The following CCSER1 variants were observed in gnomAD, a reference collection of about 807,000 sequenced individuals.
CCSER1 encodes coiled-coil serine rich protein 1.
In CCSER1, 41 loss-of-function variants were observed where a neutral mutation model predicts 82.0. That is an observed-to-expected ratio of 0.50 (90% CI 0.39 to 0.65). The LOEUF is 0.65. CCSER1 is among the 30% of genes least tolerant of loss of function. CCSER1 has a pLI of 0.00. For synonymous variants in CCSER1, 414 were observed against 383.9 expected, an observed-to-expected ratio of 1.08 and a Z score of -0.92; for missense variants, 1,119 against 1,064.2, an observed-to-expected ratio of 1.05 and a Z score of -0.72.
chr4:90,256,327 G>A (rs1723277859), intron 1 of CCSER1, among the ~76,000 whole-genome samples: 1 of 152,100 alleles, frequency 6.6e-6, no homozygotes, highest in East Asian at 1.9e-4. Flanking sequence ...TATTGTGCCA[G>A]GCATTGTTCT....
rs1216698976 is a variant in CCSER1, at chr4:90,308,480, C to A, written c.196C>A (p.Pro66Thr). The change falls in exon 2 of 11, where the codon CCT (proline) becomes ACT (threonine). Residue 66 changes from proline (P) to threonine (T), a missense_variant. Physicochemically the swap from Pro to Thr is conservative, Grantham distance 38. Coordinates refer to ENST00000509176, the MANE Select transcript of CCSER1 (RefSeq NM_001145065.2). ...TGKRRSIFRT[P>T]SISFHHKKGS... is the part of the protein sequence containing the mutation. ...TAAACGGAGGAGCATATTCCGTACT[C>A]CTTCCATTAGCTTCCACCATAAGAA... 5.6e-6 allele frequency: 9 copies of A among 1,613,920 alleles called. No homozygotes were observed. The highest frequency in any genetic ancestry group is 7.6e-6 in the Non-Finnish European group (9 of 1,179,846).
intron 3 of CCSER1, among the ~76,000 whole-genome samples, chr4:90,319,432 A>C (rs1182600436): frequency 2.0e-5 from 3 of 152,258 alleles, no homozygotes; most frequent in East Asian, 1.9e-4. Context: ...TGGGCGGGTC[A>C]TGAGGTTAGG....
At chr4:90,166,779 A>G (rs959672475) in intron 1 of CCSER1, among the ~76,000 whole-genome samples, 5 of 151,978 alleles carry the variant, frequency 3.3e-5, no homozygotes, top group African/African-American at 1.2e-4. Flanking sequence ...TATCAGCTTT[A>G]AAAACTTATG....
intron 4 of CCSER1, among the ~76,000 whole-genome samples, chr4:90,427,917 C>T (rs1298063512): frequency 6.6e-6 from 1 of 151,748 alleles, no homozygotes; most frequent in Non-Finnish European, 1.5e-5. Flanking sequence ...GGAACAGAAA[C>T]TCATTTCTGT....
At chr4:90,411,998 T>C (rs1453902522) in intron 4 of CCSER1, among the ~76,000 whole-genome samples, 2 of 151,702 alleles carry the variant, frequency 1.3e-5, no homozygotes, top group Non-Finnish European at 2.9e-5. Context: ...CATGCTGCTA[T>C]AAAGACACAT....
intron 10 of CCSER1, among the ~76,000 whole-genome samples, chr4:91,438,224 G>A (rs1230057607): frequency 6.6e-6 from 1 of 152,200 alleles, no homozygotes; most frequent in Non-Finnish European, 1.5e-5. Flanking sequence ...CTAACTGGGA[G>A]GCACCCCCCA....
intron 9 of CCSER1, among the ~76,000 whole-genome samples, chr4:90,960,279 G>T (rs1733933929): frequency 1.3e-5 from 2 of 152,072 alleles, no homozygotes; most frequent in Admixed American, 6.6e-5. Flanking sequence ...ATTCTGAAAT[G>T]GATTCAGCCA....
intron 3 of CCSER1, among the ~76,000 whole-genome samples, chr4:90,383,209 AAAAG>A (rs1372582213): frequency 6.6e-6 from 1 of 152,164 alleles, no homozygotes; most frequent in African/African-American, 2.4e-5. Flanking sequence ...GCAACCGTGG[AAAAG>A]AAAGAAAATG....
At chr4:90,839,188 TTGTC>T in intron 8 of CCSER1, 1 of 707,902 alleles carries the variant, frequency 1.4e-6, no homozygotes, top group Non-Finnish European at 2.5e-6. Flanking sequence ...ATTATGATCT[TTGTC>T]TAAGAAGCCT....
At chr4:90,454,195 C>T (rs1465125363) in intron 4 of CCSER1, among the ~76,000 whole-genome samples, 1 of 151,602 alleles carries the variant, frequency 6.6e-6, no homozygotes, top group Non-Finnish European at 1.5e-5. Flanking sequence ...TGCAAAGAGT[C>T]CATTAGAGCC....
intron 3 of CCSER1, among the ~76,000 whole-genome samples, chr4:90,350,009 C>G (rs1743140294): frequency 6.6e-6 from 1 of 152,062 alleles, no homozygotes; most frequent in Non-Finnish European, 1.5e-5. Flanking sequence ...ACTTTTAGCC[C>G]TGGAAATACA....
chr4:91,516,743 A>T (rs1338340442), intron 10 of CCSER1, among the ~76,000 whole-genome samples: 3 of 152,170 alleles, frequency 2.0e-5, no homozygotes, highest in Non-Finnish European at 4.4e-5. Context: ...TCTGTGAAGA[A>T]TGCCATTGGT....
chr4:90,379,245 T>A (rs891187459), intron 3 of CCSER1, among the ~76,000 whole-genome samples: 1 of 152,274 alleles, frequency 6.6e-6, no homozygotes, highest in Non-Finnish European at 1.5e-5. Flanking sequence ...TGTACTCCCA[T>A]CATTTTAATG....
intron 1 of CCSER1, among the ~76,000 whole-genome samples, chr4:90,185,940 G>T (rs1028837199): frequency 1.3e-4 from 19 of 151,978 alleles, no homozygotes; most frequent in Admixed American, 2.0e-4. Flanking sequence ...GGTGTTCAGT[G>T]CGTTCACTGA....
chr4:91,434,733 C>G (rs370589385), intron 10 of CCSER1, among the ~76,000 whole-genome samples: 1 of 151,972 alleles, frequency 6.6e-6, no homozygotes, highest in South Asian at 2.1e-4. Context: ...AGAGTATTGA[C>G]CTAAATCTGA....
chr4:90,695,037 A>AAT (rs111663265), intron 6 of CCSER1, among the ~76,000 whole-genome samples: 5,953 of 148,266 alleles, frequency 0.04, 380 homozygotes, highest in African/African-American at 0.14. Context: ...CCATAATTAG[A>AAT]ATATATGTAT....
chr4:90,326,217 C>T (rs1426177298), intron 3 of CCSER1, among the ~76,000 whole-genome samples: 3 of 151,944 alleles, frequency 2.0e-5, no homozygotes, highest in Non-Finnish European at 2.9e-5. Context: ...TGCCACCACG[C>T]CCGGCTAATT....
At chr4:91,172,903 T>C (rs1325692561) in intron 10 of CCSER1, among the ~76,000 whole-genome samples, 1 of 152,180 alleles carries the variant, frequency 6.6e-6, no homozygotes, top group African/African-American at 2.4e-5. Context: ...TCTAAAAATA[T>C]ATTTAAAATA....
chr4:90,719,238 C>T (rs942045031), intron 6 of CCSER1, among the ~76,000 whole-genome samples: 1 of 152,084 alleles, frequency 6.6e-6, no homozygotes, highest in African/African-American at 2.4e-5. Context: ...CTAGTGTGAA[C>T]TGCGCATGCG....
Sources: gnomAD v4.1 joint callset for allele counts (sites outside exome capture counted in the v4.1 genomes callset) on GRCh38, gnomAD v4.1.1 for gene constraint, MANE v1.5 for transcripts, NCBI Gene and HGNC (gene_info 2026-07-23, HGNC 2026-07-21) for gene names.